Variants in KDR observed in about 807,000 individuals in gnomAD.
KDR encodes vascular endothelial growth factor receptor 2.
KDR carries 43 observed loss-of-function variants against 160.9 expected under a neutral mutation model. The observed-to-expected ratio is 0.27, with a 90% CI of 0.21 to 0.34. The LOEUF (loss-of-function observed/expected upper bound fraction) is 0.34, where lower values mean the gene tolerates loss of function less well. Ranked by LOEUF, KDR falls within the 10% of genes least tolerant of loss-of-function variation. KDR has a pLI of 1.00. For synonymous variants in KDR, 617 were observed against 600.1 expected (o/e 1.03, Z -0.41); for missense variants, 1,469 against 1,666.4 (o/e 0.88, Z 2.06).
At position 55,096,318 on chromosome 4, in the gene KDR, C is replaced by A. The variant is rs368407075; in HGVS notation, c.2639G>T (p.Arg880Leu). The change falls in exon 19 of 30, where the codon CGA (arginine) becomes CTA (leucine). Residue 880 changes from arginine (R) to leucine (L), a missense_variant. Around this residue, in one of 7 missense-constraint regions of KDR, gnomAD observed 151 missense variants for 207.2 expected, o/e 0.73. Coordinates refer to ENST00000263923, the MANE Select transcript of KDR (RefSeq NM_002253.4). ...GATCTTGAGTTCAGACATGAGAGCT[C>A]GATGCTCACTGTGTGTTGCTCCTTC... ...LKEGATHSEH[R>L]ALMSELKILI... The A allele has an allele frequency of 9.3e-6, 15 of 1,612,596 alleles. No individual in the cohort carries two copies. The highest frequency in any genetic ancestry group is 1.2e-5 in the Non-Finnish European group (14 of 1,179,022).
chr4:55,087,864 G>T, intron 26 of KDR, 106 bp from the exon 27 acceptor site: 1 of 1,007,278 alleles, frequency 9.9e-7, no homozygotes, highest in Non-Finnish European at 1.6e-6. Context: ...AGGGTGTGTG[G>T]CTTTCATATC....
chr4:55,086,240 T>C (rs1719859510), intron 27 of KDR, among the ~76,000 whole-genome samples: 1 of 152,214 alleles, frequency 6.6e-6, no homozygotes, highest in Non-Finnish European at 1.5e-5. Flanking sequence ...ACTTAATAGG[T>C]ATCTTTTACT....
At chr4:55,122,923 T>G (rs945371615) in intron 1 of KDR, 1 of 152,152 alleles carries the variant, frequency 6.6e-6, no homozygotes, top group African/African-American at 2.4e-5. Flanking sequence ...ACTTTGTGCG[T>G]GGAACGGGGG....
chr4:55,091,914 C>T (rs920008557), intron 22 of KDR, among the ~76,000 whole-genome samples: 2 of 152,186 alleles, frequency 1.3e-5, no homozygotes, highest in Non-Finnish European at 2.9e-5. Context: ...CCCATCTCAG[C>T]CTTTGTTTGG....
chr4:55,119,767 T>TTG (rs2110035346), intron 2 of KDR, among the ~76,000 whole-genome samples: 1 of 152,292 alleles, frequency 6.6e-6, no homozygotes, highest in African/African-American at 2.4e-5. Flanking sequence ...CCTCAGGACC[T>TTG]TGTAAGGACC....
rs1719939147 is a variant in KDR, at chr4:55,088,988, C to T, written c.3405-15G>A. 1.9e-6 allele frequency: 3 copies of T among 1,556,468 alleles called. No individual in the cohort carries two copies. Among genetic ancestry groups the T allele is most frequent in the Non-Finnish European group, 2.7e-6 (3 of 1,127,870 alleles). ...TGGTCTGGTACCTAGAGAAGCAAAA[C>T]ACTGATTTCATTAAATGCCTCTTTC... On this transcript the variant is annotated splice_polypyrimidine_tract_variant and intron_variant, in intron 25 of 29. Coordinates refer to ENST00000263923, the MANE Select transcript of KDR (RefSeq NM_002253.4).
chr4:55,098,021 T>C, intron 17 of KDR, 116 bp downstream of exon 17: 1 of 1,353,636 alleles, frequency 7.4e-7, no homozygotes, highest in Admixed American at 1.7e-5. Context: ...AGAAATGGAA[T>C]TAATATTTCT....
Position 55,090,016 on chromosome 4 carries a change from G to T in KDR, c.3132C>A (p.Ile1044=), listed in dbSNP as rs145298133. 1.4e-4 allele frequency: 220 copies of T among 1,614,036 alleles called. No individual in the cohort carries two copies. The African/African-American group carries it at 2.7e-3, about 20-fold the overall frequency. Reference sequence around the variant, plus strand: ...TATCCCGGGCCAAGCCAAAGTCACAGATTTTAACCACGTTCTTCTCCGATA... The same window carrying T: ...TATCCCGGGCCAAGCCAAAGTCACATATTTTAACCACGTTCTTCTCCGATA... The part of the protein sequence containing the change: ...ILLSEKNVVK[I]CDFGLARDIY... Residue 1044 remains isoleucine, a synonymous_variant, in exon 23 of 30, where the codon ATC becomes ATA. Coordinates refer to ENST00000263923, the MANE Select transcript of KDR (RefSeq NM_002253.4).
intron 17 of KDR, 129 bp downstream of exon 17, chr4:55,098,008 T>C: frequency 7.8e-7 from 1 of 1,279,640 alleles, no homozygotes; most frequent in Non-Finnish European, 1.1e-6. Flanking sequence ...TTATACAAAT[T>C]CAAGAAATGG....
In KDR at chr4:55,115,295, C is replaced by G. The variant is rs545112274; in HGVS notation, c.475G>C (p.Val159Leu). The change falls in exon 4 of 30, where the codon GTG becomes CTG. Residue 159 changes from valine to leucine, a missense_variant. Around this residue, in one of 7 missense-constraint regions of KDR, gnomAD observed 792 missense variants for 840.9 expected, o/e 0.94. Transcript: ENST00000263923. Reference sequence around the variant, plus strand: ...ATGCAACTTACTGCACAAAGTGACACGTTGAGATTTGAAATGGACCCGAGA... The same window carrying G: ...ATGCAACTTACTGCACAAAGTGACAGGTTGAGATTTGAAATGGACCCGAGA... ...PCLGSISNLNVSLCARYPEKR... is the reference protein window; with the variant it reads ...PCLGSISNLNLSLCARYPEKR... 1.9e-6 allele frequency: 3 copies of G among 1,610,248 alleles called. No individual in the cohort carries two copies. Among genetic ancestry groups the G allele is most frequent in the African/African-American group, 2.7e-5 (2 of 74,758 alleles).
chr4:55,102,461 T>G lies in KDR; in HGVS notation c.2035A>C (p.Ser679Arg), dbSNP rs1225228256. 1 of 1,613,782 alleles carries G rather than the reference T, an allele frequency of 6.2e-7. No homozygotes were observed. Among genetic ancestry groups the G allele is most frequent in the Non-Finnish European group, 8.5e-7 (1 of 1,179,750 alleles). The change falls in exon 14 of 30, where the codon AGT becomes CGT. Residue 679 changes from serine to arginine, a missense_variant. Coordinates refer to ENST00000263923, the MANE Select transcript of KDR (RefSeq NM_002253.4). ...ITGNLENQTT[S>R]IGESIEVSCT... ...GAGACTTCGATGCTTTCCCCAATACTTGTCGTCTGATTCTCCAGGTTTCCT... is the reference window on the plus strand; with the variant it reads ...GAGACTTCGATGCTTTCCCCAATACGTGTCGTCTGATTCTCCAGGTTTCCT...
chr4:55,086,634 TGGAAC>T (rs1719872565), intron 27 of KDR, among the ~76,000 whole-genome samples: 2 of 152,266 alleles, frequency 1.3e-5, no homozygotes, highest in African/African-American at 4.8e-5. Context: ...TTGACTTCAA[TGGAAC>T]GGTCAGCTGT....
chr4:55,094,984 T>C (rs368284903), intron 20 of KDR, 29 bp from the exon 21 acceptor site: 1 of 1,609,000 alleles, frequency 6.2e-7, no homozygotes, highest in African/African-American at 1.3e-5. Context: ...ACAAACAAAC[T>C]CCTTGAATAC....
chr4:55,097,850 G>T (rs752538976), intron 17 of KDR, 84 bp from the exon 18 acceptor site: 4 of 984,916 alleles, frequency 4.1e-6, no homozygotes, highest in Non-Finnish European at 6.5e-6. Context: ...CAACTAGATA[G>T]GGTGACCATA....
intron 1 of KDR, 73 bp from the exon 2 acceptor site, chr4:55,121,263 A>G (rs1720866900): frequency 4.0e-6 from 4 of 999,050 alleles, no homozygotes; most frequent in Non-Finnish European, 6.4e-6. Context: ...TCCATAAACA[A>G]TGCATACTCT....
chr4:55,124,203 C>T (rs1453032958), intron 1 of KDR, among the ~76,000 whole-genome samples: 1 of 152,046 alleles, frequency 6.6e-6, no homozygotes, highest in Non-Finnish European at 1.5e-5. Context: ...AAATTTTTTT[C>T]CCTGAATTAT....
intron 12 of KDR, 127 bp from the exon 13 acceptor site, chr4:55,105,111 C>T (rs1720411357): frequency 1.3e-6 from 1 of 778,222 alleles, no homozygotes; most frequent in Non-Finnish European, 2.2e-6. Context: ...AGGTGATGTA[C>T]TACAACTTGA....
chr4:55,120,670 T>A (rs988964159), intron 2 of KDR, among the ~76,000 whole-genome samples: 2 of 152,164 alleles, frequency 1.3e-5, no homozygotes, highest in African/African-American at 4.8e-5. Flanking sequence ...TGGAAAGGGA[T>A]AATAAGTGTT....
intron 10 of KDR, 136 bp downstream of exon 10, chr4:55,107,601 G>T (rs896874761): frequency 2.5e-5 from 24 of 978,136 alleles, no homozygotes; most frequent in Non-Finnish European, 3.2e-5. Flanking sequence ...GAGAAAGATG[G>T]ATGGAGATTC....
Sources: allele counts gnomAD v4.1 joint callset (sites outside exome capture counted in the v4.1 genomes callset), GRCh38; gene constraint gnomAD v4.1.1; regional missense constraint gnomAD v4.1.1; transcripts MANE v1.5; gene names NCBI Gene and HGNC (gene_info 2026-07-23, HGNC 2026-07-21).